Variants in DAGLA observed in about 807,000 individuals in gnomAD.
The protein encoded by DAGLA is diacylglycerol lipase-alpha.
DAGLA carries 22 observed loss-of-function variants against 102.6 expected under a neutral mutation model. The observed-to-expected ratio is 0.21, with a 90% CI of 0.15 to 0.31. DAGLA has a LOEUF of 0.31. Ranked by LOEUF, DAGLA falls within the 10% of genes least tolerant of loss-of-function variation. DAGLA has a pLI of 1.00. For missense variants in DAGLA, 927 were observed against 1,446.6 expected (o/e 0.64, Z 5.83); for synonymous variants, 578 against 628.9 (o/e 0.92, Z 1.21).
intron 1 of DAGLA, among the ~76,000 whole-genome samples, chr11:61,688,870 G>A (rs1396557860): frequency 6.6e-6 from 1 of 152,212 alleles, no homozygotes; most frequent in Non-Finnish European, 1.5e-5. Context: ...GGCTCCCGGG[G>A]CACTGGCTGG....
chr11:61,706,326 G>T (rs2135565690), intron 1 of DAGLA, among the ~76,000 whole-genome samples: 1 of 152,362 alleles, frequency 6.6e-6, no homozygotes, highest in East Asian at 1.9e-4. Flanking sequence ...CTGAGCCAAT[G>T]GCCCTGGGTG....
chr11:61,740,799 G>A, intron 18 of DAGLA, among the ~76,000 whole-genome samples: 1 of 152,192 alleles, frequency 6.6e-6, no homozygotes, highest in East Asian at 1.9e-4. Context: ...CCCCATGGTG[G>A]GGAGGAGATA....
chr11:61,682,852 G>T (rs565420036), intron 1 of DAGLA, among the ~76,000 whole-genome samples: 1 of 104,424 alleles, frequency 9.6e-6, no homozygotes, highest in Admixed American at 9.5e-5. Flanking sequence ...GCAGGGGGAC[G>T]GGGGGGGGAG....
At chr11:61,739,759 G>A in intron 17 of DAGLA, 98 bp downstream of exon 17, 3 of 1,290,940 alleles carry the variant, frequency 2.3e-6, no homozygotes, top group Admixed American at 2.2e-5. Context: ...CTCGGGGCTG[G>A]GGGTGGAGGC....
chr11:61,737,343 C>T lies in DAGLA; in HGVS notation c.1514+19C>T, dbSNP rs1410147633. ...TGCTGAGGTGAGCCATCTGGGGCTT[C>T]AGAGTTGGCTGGGGCAGTTGGGACC... On this transcript the variant is annotated intron_variant, in intron 14 of 19. Coordinates refer to ENST00000257215, the MANE Select transcript of DAGLA (RefSeq NM_006133.3). The T allele has an allele frequency of 1.9e-6, 3 of 1,608,270 alleles. No homozygotes were observed. Among genetic ancestry groups the T allele is most frequent in the African/African-American group, 2.7e-5 (2 of 74,928 alleles).
chr11:61,709,185 T>C (rs1240367240), intron 1 of DAGLA, among the ~76,000 whole-genome samples: 1 of 152,232 alleles, frequency 6.6e-6, no homozygotes, highest in Non-Finnish European at 1.5e-5. Context: ...CCTGAGAGCA[T>C]ATCCTGCTTA....
chr11:61,699,790 C>T (rs541919456), intron 1 of DAGLA, among the ~76,000 whole-genome samples: 68 of 152,384 alleles, frequency 4.5e-4, no homozygotes, highest in South Asian at 1.2e-3. Context: ...GGCAGGGCCA[C>T]CCGAATGCCA....
At chr11:61,712,545 T>C (rs552224651) in intron 1 of DAGLA, among the ~76,000 whole-genome samples, 1 of 152,230 alleles carries the variant, frequency 6.6e-6, no homozygotes, top group Non-Finnish European at 1.5e-5. Flanking sequence ...TATCTCATGC[T>C]GAAATCTGGC....
rs1029752352 is a variant in DAGLA at position 61,743,653 on chromosome 11, C to T, written c.2293C>T (p.Arg765Trp). The change falls in exon 20 of 20, where the codon CGG (arginine) becomes TGG (tryptophan). Residue 765 changes from arginine to tryptophan, a missense_variant. Physicochemically the swap from Arg to Trp is moderately radical, Grantham distance 101. Around this residue, in one of 4 missense-constraint regions of DAGLA, gnomAD observed 434 missense variants for 503.3 expected, o/e 0.86. Coordinates refer to ENST00000257215, the MANE Select transcript of DAGLA (RefSeq NM_006133.3). ...GCTGCTGCTGCTGTCTACCCAGGAGCGGCTGGCGGCGGAGCTGCAGGCCCG... is the reference window on the plus strand; with the variant it reads ...GCTGCTGCTGCTGTCTACCCAGGAGTGGCTGGCGGCGGAGCTGCAGGCCCG... ...VELLLLSTQE[R>W]LAAELQARRA... 8 of 1,598,610 alleles carry T rather than the reference C, an allele frequency of 5.0e-6. No individual in the cohort carries two copies. Among genetic ancestry groups the T allele is most frequent in the East Asian group, 2.2e-5 (1 of 44,712 alleles).
chr11:61,732,943 G>T (rs1479217468), intron 9 of DAGLA, among the ~76,000 whole-genome samples: 1 of 152,068 alleles, frequency 6.6e-6, no homozygotes, highest in Non-Finnish European at 1.5e-5. Context: ...GAGCCCCAGG[G>T]CCCTCCCATC....
rs2064931356 is a variant in DAGLA, at chr11:61,680,451, C to T, written c.-98C>T. On this transcript the variant is annotated 5_prime_UTR_variant, in exon 1 of 20. Coordinates refer to ENST00000257215, the MANE Select transcript of DAGLA (RefSeq NM_006133.3). ...TTAGTGAATCGGGGCCTTGGGGAGCCCAGGATGGAGGTGGCGGTCGCGGCG... is the reference window on the plus strand; with the variant it reads ...TTAGTGAATCGGGGCCTTGGGGAGCTCAGGATGGAGGTGGCGGTCGCGGCG... The T allele has an allele frequency of 6.6e-6, 1 of 152,092 alleles. No individual in the cohort carries two copies. Among genetic ancestry groups the T allele is most frequent in the South Asian group, 1.8e-4 (1 of 5,406 alleles). The allele number at this position is 152,092 out of a possible 1,614,324, so 9.4% of individuals were successfully genotyped here.
intron 1 of DAGLA, among the ~76,000 whole-genome samples, chr11:61,718,358 A>G (rs1316781830): frequency 6.6e-6 from 1 of 151,922 alleles, no homozygotes; most frequent in Non-Finnish European, 1.5e-5. Flanking sequence ...GGCAGCCCCG[A>G]CAGCCCCCTG....
intron 1 of DAGLA, among the ~76,000 whole-genome samples, chr11:61,703,728 A>AG (rs2065128287): frequency 7.1e-6 from 1 of 141,074 alleles, no homozygotes; most frequent in Admixed American, 7.2e-5. Context: ...AATGGATTGT[A>AG]GGTGCAGCTA....
chr11:61,696,349 C>T (rs2065065083), intron 1 of DAGLA, among the ~76,000 whole-genome samples: 2 of 151,826 alleles, frequency 1.3e-5, no homozygotes, highest in Admixed American at 6.6e-5. Context: ...GTGCCCACTA[C>T]CCTGGCTGCC....
intron 1 of DAGLA, among the ~76,000 whole-genome samples, chr11:61,703,927 G>A (rs1344954638): frequency 6.6e-6 from 1 of 152,166 alleles, no homozygotes; most frequent in Non-Finnish European, 1.5e-5. Flanking sequence ...GGAGGAATGG[G>A]CAACTATGAA....
intron 1 of DAGLA, among the ~76,000 whole-genome samples, chr11:61,700,957 G>C (rs1349344212): frequency 6.6e-6 from 1 of 152,244 alleles, no homozygotes; most frequent in Non-Finnish European, 1.5e-5. Flanking sequence ...TGGGAGGCTG[G>C]TGTTCTTGCA....
intron 2 of DAGLA, 86 bp from the exon 3 acceptor site, chr11:61,720,593 C>A: frequency 7.9e-7 from 1 of 1,273,068 alleles, no homozygotes; most frequent in Non-Finnish European, 1.1e-6. Context: ...TCCACTGAAT[C>A]TGGGCTGGGG....
intron 1 of DAGLA, among the ~76,000 whole-genome samples, chr11:61,696,524 A>G (rs1451653267): frequency 1.5e-5 from 2 of 129,526 alleles, no homozygotes; most frequent in East Asian, 4.9e-4. Flanking sequence ...GCAGGAGAAT[A>G]GGGAAGCCAT....
At chr11:61,742,275 T>C (rs1197661894) in intron 19 of DAGLA, among the ~76,000 whole-genome samples, 2 of 152,112 alleles carry the variant, frequency 1.3e-5, no homozygotes, top group African/African-American at 4.8e-5. Context: ...CCCTTGCTAT[T>C]CACACACTCT....
Sources: gnomAD v4.1 joint callset for allele counts (sites outside exome capture counted in the v4.1 genomes callset) on GRCh38, gnomAD v4.1.1 for gene constraint, gnomAD v4.1.1 regional missense constraint, MANE v1.5 for transcripts, NCBI Gene and HGNC (gene_info 2026-07-23, HGNC 2026-07-21) for gene names.